Variants in POU6F2 observed in about 807,000 individuals in gnomAD.
POU6F2 encodes the protein POU domain, class 6, transcription factor 2.
Under a neutral mutation model 71.3 loss-of-function variants are expected in POU6F2, and 31 were observed. The ratio of observed to expected loss-of-function variants is 0.43; its 90% CI spans 0.33 to 0.59. The LOEUF is 0.59. Ranked by LOEUF, POU6F2 falls within the 20% of genes least tolerant of loss-of-function variation. The pLI is 0.04. For missense variants in POU6F2, 783 were observed against 856.8 expected, an observed-to-expected ratio of 0.91 and a Z score of 1.07; for synonymous variants, 347 against 355.7, an observed-to-expected ratio of 0.98 and a Z score of 0.27.
intron 1 of POU6F2, among the ~76,000 whole-genome samples, chr7:39,028,788 G>C (rs1056732871): frequency 6.6e-6 from 1 of 151,912 alleles, no homozygotes; most frequent in Non-Finnish European, 1.5e-5. Context: ...TTATTCCTAT[G>C]TAACTTGGAA....
At chr7:39,336,132 C>G (rs75069261) in intron 4 of POU6F2, among the ~76,000 whole-genome samples, 1,739 of 152,350 alleles carry the variant, frequency 0.011, 44 homozygotes, top group African/African-American at 0.039. Context: ...ACATAACATA[C>G]AACTTGCCAC....
At chr7:39,397,136 C>G (rs748912029) in intron 5 of POU6F2, among the ~76,000 whole-genome samples, 2 of 151,836 alleles carry the variant, frequency 1.3e-5, no homozygotes, top group Non-Finnish European at 2.9e-5. Flanking sequence ...AAAGACTGCT[C>G]GGTGCCAATT....
At chr7:39,015,131 A>G (rs1211557490) in intron 1 of POU6F2, among the ~76,000 whole-genome samples, 1 of 151,256 alleles carries the variant, frequency 6.6e-6, no homozygotes, top group Non-Finnish European at 1.5e-5. Context: ...TTAAAAATAT[A>G]TCAATGCCTA....
At chr7:39,197,643 C>T (rs1793815300) in intron 2 of POU6F2, among the ~76,000 whole-genome samples, 1 of 152,198 alleles carries the variant, frequency 6.6e-6, no homozygotes, top group African/African-American at 2.4e-5. Context: ...ATGACCTTGT[C>T]AGAGCAAGTG....
At chr7:39,024,622 G>A (rs533564566) in intron 1 of POU6F2, among the ~76,000 whole-genome samples, 19 of 152,226 alleles carry the variant, frequency 1.2e-4, no homozygotes, top group African/African-American at 4.6e-4. Flanking sequence ...TGCCCATTCA[G>A]TATGATATTG....
Position 39,436,601 on chromosome 7 carries a change from G to A in POU6F2, c.1320+3318G>A, listed in dbSNP as rs530200348. Among the ~76,000 whole-genome samples the A allele has an allele frequency of 2.0e-5, 3 of 152,158 alleles. No individual in the cohort carries two copies. The East Asian group carries it at 5.8e-4, about 29-fold the overall frequency. On this transcript the variant is annotated intron_variant, in intron 7 of 9. Transcript: ENST00000518318. ...AATTTGACTTCCTCTTTTCCCATTT[G>A]AATACCCTTTATTTTCCTCTCTCGC...
At chr7:39,221,372 TTCTC>T (rs746834451) in intron 4 of POU6F2, among the ~76,000 whole-genome samples, 6 of 145,870 alleles carry the variant, frequency 4.1e-5, no homozygotes, top group Non-Finnish European at 7.5e-5. Flanking sequence ...GAATCTAAAA[TTCTC>T]TCTCTCTCTT....
chr7:39,375,759 C>T (rs1254386549), intron 5 of POU6F2, among the ~76,000 whole-genome samples: 3 of 152,004 alleles, frequency 2.0e-5, no homozygotes, highest in Non-Finnish European at 4.4e-5. Context: ...AGACATTTAG[C>T]CCCAAGAGAC....
At chr7:39,262,545 G>C (rs946288398) in intron 4 of POU6F2, among the ~76,000 whole-genome samples, 1 of 152,170 alleles carries the variant, frequency 6.6e-6, no homozygotes, top group Non-Finnish European at 1.5e-5. Context: ...GAGCAATTTT[G>C]TGCTCCTTCT....
At chr7:39,331,341 G>A (rs1785643832) in intron 4 of POU6F2, among the ~76,000 whole-genome samples, 1 of 152,128 alleles carries the variant, frequency 6.6e-6, no homozygotes, top group Admixed American at 6.6e-5. Context: ...ACTTTTTGAG[G>A]AACCTCTATG....
chr7:39,033,633 T>C (rs1290828824), intron 1 of POU6F2, among the ~76,000 whole-genome samples: 1 of 152,120 alleles, frequency 6.6e-6, no homozygotes. Context: ...TTTTAGAAAA[T>C]CAGATTTTCA....
intron 1 of POU6F2, among the ~76,000 whole-genome samples, chr7:39,048,335 G>GT (rs35124306): frequency 1.5e-4 from 22 of 149,352 alleles, no homozygotes; most frequent in African/African-American, 2.7e-4. Context: ...CTGATAGGTA[G>GT]TTTTTTTTTT....
Position 39,433,118 on chromosome 7 carries a change from G to T in POU6F2, c.1155G>T (p.Ser385=). ...CACTGATGCCTAATCCAGGGCCATC[G>T]AGCCAAGCAGCAAGCGGCACTCAGG... ...TIPLMPNPGP[S]SQAASGTQGL... The change falls in exon 7 of 10, where the codon TCG becomes TCT. Residue 385 remains serine, a synonymous_variant. Coordinates refer to ENST00000518318, the MANE Select transcript of POU6F2 (RefSeq NM_001370959.1). 6 of 1,613,392 alleles carry T rather than the reference G, an allele frequency of 3.7e-6. No homozygotes were observed. Among genetic ancestry groups the T allele is most frequent in the African/African-American group, 1.3e-5 (1 of 74,932 alleles).
intron 4 of POU6F2, among the ~76,000 whole-genome samples, chr7:39,332,347 C>T (rs905562223): frequency 1.3e-5 from 2 of 152,224 alleles, no homozygotes; most frequent in African/African-American, 2.4e-5. Context: ...CACAGTGGGG[C>T]TCCCTTGTGT....
intron 6 of POU6F2, among the ~76,000 whole-genome samples, chr7:39,415,398 A>G (rs892917227): frequency 6.6e-6 from 1 of 152,188 alleles, no homozygotes; most frequent in African/African-American, 2.4e-5. Flanking sequence ...AGGCTCCTAA[A>G]TCTAGTCTGT....
intron 5 of POU6F2, among the ~76,000 whole-genome samples, chr7:39,396,875 T>C (rs1787184190): frequency 6.7e-6 from 1 of 149,388 alleles, no homozygotes; most frequent in Non-Finnish European, 1.5e-5. Flanking sequence ...CCGGACTCTG[T>C]CTCCACCACC....
intron 2 of POU6F2, among the ~76,000 whole-genome samples, chr7:39,094,944 A>G (rs933770182): frequency 6.6e-6 from 1 of 152,182 alleles, no homozygotes. Flanking sequence ...CAATATACCT[A>G]CATCATTTCC....
intron 5 of POU6F2, among the ~76,000 whole-genome samples, chr7:39,364,263 T>C (rs1481979287): frequency 1.3e-5 from 2 of 149,610 alleles, no homozygotes; most frequent in Non-Finnish European, 3.0e-5. Flanking sequence ...CTATTCTCTT[T>C]TTTTTTTTTT....
chr7:39,322,291 T>TCCG (rs1216458488), intron 4 of POU6F2, among the ~76,000 whole-genome samples: 11 of 152,204 alleles, frequency 7.2e-5, no homozygotes, highest in African/African-American at 2.7e-4. Context: ...CTTTGGCCCT[T>TCCG]CCGCCGCCTG....
Sources: gnomAD v4.1 joint callset for allele counts (sites outside exome capture counted in the v4.1 genomes callset) on GRCh38, gnomAD v4.1.1 for gene constraint, MANE v1.5 for transcripts, NCBI Gene and HGNC (gene_info 2026-07-23, HGNC 2026-07-21) for gene names.